Variants in ZNF562 observed in about 807,000 individuals in gnomAD.
The protein encoded by ZNF562 is zinc finger protein 562.
A neutral mutation model predicts 17.5 loss-of-function variants in ZNF562; 13 were observed. The ratio of observed to expected loss-of-function variants is 0.74; its 90% CI spans 0.48 to 1.18. The LOEUF is 1.18. Ranked by LOEUF, ZNF562 falls within the 50% of genes most tolerant of loss-of-function variation. ZNF562 has a pLI of 0.00. For synonymous variants in ZNF562, 163 were observed against 165.4 expected, an observed-to-expected ratio of 0.99 and a Z score of 0.11; for missense variants, 481 against 498.5, an observed-to-expected ratio of 0.96 and a Z score of 0.33.
chr19:9,656,871 A>AAAAAAT (rs376933513), intron 4 of ZNF562, among the ~76,000 whole-genome samples: 8 of 142,436 alleles, frequency 5.6e-5, no homozygotes, highest in African/African-American at 1.6e-4. Context: ...AAAATACAAA[A>AAAAAAT]ATATATATAT....
intron 1 of ZNF562, among the ~76,000 whole-genome samples, chr19:9,673,360 A>G (rs1027229447): frequency 2.6e-5 from 4 of 152,148 alleles, no homozygotes; most frequent in African/African-American, 9.7e-5. Context: ...TGCGTTGCTG[A>G]GAAAACTTTT....
Position 9,653,328 on chromosome 19 carries a change from G to T in ZNF562, c.902C>A (p.Ser301Ter). 1 of 1,614,056 alleles carries T rather than the reference G, an allele frequency of 6.2e-7. No homozygotes were observed. Among genetic ancestry groups the T allele is most frequent in the Non-Finnish European group, 8.5e-7 (1 of 1,179,962 alleles). The change falls in exon 6 of 6, where the codon TCA becomes TAA. Residue 301 changes from serine to a stop codon, truncating the protein, a stop_gained. Transcript: ENST00000453372. LOFTEE classifies it low-confidence loss of function (END_TRUNC). ...KECGRSFRNS[S>*]SFNVHIQIHT... ...AATTTGAATGTGAACATTAAAGGAT[G>T]AGGAATTTCTAAAGGATCTTCCACA...
At chr19:9,667,013 G>A (rs2043979795) in intron 1 of ZNF562, among the ~76,000 whole-genome samples, 1 of 150,058 alleles carries the variant, frequency 6.7e-6, no homozygotes, top group Non-Finnish European at 1.5e-5. Context: ...TCCAAACTTA[G>A]TCTACAAGGT....
Position 9,643,116 on chromosome 19 carries a change from T to TTGAATCAGGC in ZNF562, c.*9823_*9832dup, listed in dbSNP as rs2074783963. The TTGAATCAGGC allele has an allele frequency of 6.7e-6, 1 of 148,750 alleles. No individual in the cohort carries two copies. Among genetic ancestry groups the TTGAATCAGGC allele is most frequent in the Non-Finnish European group, 1.5e-5 (1 of 67,536 alleles). The allele number at this position is 148,750 out of a possible 1,614,324, so 9.2% of individuals were successfully genotyped here. ...CCTGTAATCCCAGCACTTTGGGAGG[T>TTGAATCAGGC]TGAATCAGGCTGAATCAGGGGGGTC... is the stretch of plus-strand genomic sequence containing the variant. On this transcript the variant is annotated 3_prime_UTR_variant, in exon 6 of 6. Transcript: ENST00000453372.
chr19:9,655,713 C>CTTTTTTTTTTTTT (rs2043444189), intron 5 of ZNF562, among the ~76,000 whole-genome samples: 1 of 54,552 alleles, frequency 1.8e-5, no homozygotes, highest in African/African-American at 6.8e-5. Context: ...ACTTTCTTTT[C>CTTTTTTTTTTTTT]TTTCTTTTTT....
At chr19:9,672,777 C>CTTTTTTTT (rs869261585) in intron 1 of ZNF562, among the ~76,000 whole-genome samples, 1 of 112,236 alleles carries the variant, frequency 8.9e-6, no homozygotes, top group African/African-American at 3.5e-5. Context: ...TATTGCCTTT[C>CTTTTTTTT]TTTTTTTTTT....
rs1275914870 is a variant in ZNF562, at chr19:9,645,716, T to C, written c.*7233A>G. 6.6e-6 allele frequency: 1 copy of C among 152,322 alleles called. No homozygotes were observed. Among genetic ancestry groups the C allele is most frequent in the South Asian group, 2.1e-4 (1 of 4,824 alleles). The allele number at this position is 152,322 out of a possible 1,614,324, so 9.4% of individuals were successfully genotyped here. On this transcript the variant is annotated 3_prime_UTR_variant, in exon 6 of 6. Coordinates refer to ENST00000453372, the MANE Select transcript of ZNF562 (RefSeq NM_001130031.2). ...TCTGCCACCAGATCTGTCTAATAGC[T>C]TGTGTGACAATGCACTTCCTTCTGG...
intron 5 of ZNF562, among the ~76,000 whole-genome samples, chr19:9,655,120 A>C (rs2043415152): frequency 6.6e-6 from 1 of 151,974 alleles, no homozygotes; most frequent in South Asian, 2.1e-4. Context: ...TCTCCTGAGG[A>C]GCCTGGATTA....
chr19:9,654,452 T>C (rs2043384270), intron 5 of ZNF562, among the ~76,000 whole-genome samples: 1 of 152,010 alleles, frequency 6.6e-6, no homozygotes, highest in South Asian at 2.1e-4. Flanking sequence ...CATCCAATTT[T>C]TTGATTTATT....
At chr19:9,657,357 GC>G (rs2144982472) in intron 4 of ZNF562, among the ~76,000 whole-genome samples, 1 of 148,864 alleles carries the variant, frequency 6.7e-6, no homozygotes, top group East Asian at 2.0e-4. Context: ...TCCTGCCACT[GC>G]ACCCCAGCCT....
Position 9,659,661 on chromosome 19 carries a change from C to G in ZNF562, c.26-194G>C, listed in dbSNP as rs1015454704. 1.4e-4 allele frequency among the ~76,000 whole-genome samples: 21 copies of G among 152,002 alleles called. 1 individual carries two copies. Among genetic ancestry groups the G allele is most frequent in the African/African-American group, 5.1e-4 (21 of 41,404 alleles). ...AGAAAAGCAGATATGGGCTGAGCTG[C>G]CTGTTGTGTAAAGGGTAACAGTTTC... On this transcript the variant is annotated intron_variant, in intron 2 of 5. Coordinates refer to ENST00000453372, the MANE Select transcript of ZNF562 (RefSeq NM_001130031.2).
At chr19:9,673,833 C>A (rs942478971) in intron 1 of ZNF562, among the ~76,000 whole-genome samples, 1 of 151,972 alleles carries the variant, frequency 6.6e-6, no homozygotes, top group Admixed American at 6.6e-5. Context: ...TGGTGAAACC[C>A]CATCTCTACC....
intron 1 of ZNF562, among the ~76,000 whole-genome samples, chr19:9,672,690 T>C (rs1389548180): frequency 6.6e-6 from 1 of 152,020 alleles, no homozygotes; most frequent in African/African-American, 2.4e-5. Context: ...TCTTCCTGGT[T>C]CCTGGAGGCC....
intron 3 of ZNF562, 21 bp downstream of exon 3, chr19:9,659,358 A>G (rs2043636477): frequency 1.3e-6 from 2 of 1,543,506 alleles, no homozygotes; most frequent in Non-Finnish European, 1.8e-6. Context: ...CATTTTGTAC[A>G]ACGGTACATT....
At position 9,644,092 on chromosome 19, in the gene ZNF562, GCTTA is replaced by G. The variant is rs2074791071; in HGVS notation, c.*8853_*8856del. 1 of 151,960 alleles carries G rather than the reference GCTTA, an allele frequency of 6.6e-6. No individual in the cohort carries two copies. Among genetic ancestry groups the G allele is most frequent in the Non-Finnish European group, 1.5e-5 (1 of 68,004 alleles). The allele number at this position is 151,960 out of a possible 1,614,324, so 9.4% of individuals were successfully genotyped here. On this transcript the variant is annotated 3_prime_UTR_variant, in exon 6 of 6. Transcript: ENST00000453372. ...ACAGGCATGTGAGCCACCGTACCTGGCTTACTTAGTGAATTTGTACCAATATTCA... is the reference window on the plus strand; with the variant it reads ...ACAGGCATGTGAGCCACCGTACCTGGCTTAGTGAATTTGTACCAATATTCA...
chr19:9,670,634 CAT>C (rs781080175), intron 1 of ZNF562, among the ~76,000 whole-genome samples: 1 of 152,028 alleles, frequency 6.6e-6, no homozygotes, highest in Non-Finnish European at 1.5e-5. Context: ...ATCTCATGAG[CAT>C]AGAGTACAGA....
chr19:9,658,382 T>C (rs2043602647), intron 3 of ZNF562: 2 of 982,518 alleles, frequency 2.0e-6, no homozygotes, highest in Admixed American at 6.2e-5. Flanking sequence ...AGAGTTTTGC[T>C]CTTTTTGCCC....
rs1308228483 is a variant in ZNF562, at chr19:9,652,991, G to T, written c.1239C>A (p.Ser413=). The T allele has an allele frequency of 6.6e-7, 1 of 1,518,468 alleles. No individual in the cohort carries two copies. The highest frequency in any genetic ancestry group is 2.2e-5 in the Admixed American group (1 of 45,872). 94.1% of individuals were successfully genotyped at this position (1,518,468 alleles called of 1,614,324 possible). Reference sequence around the variant, plus strand: ...GAGTTTTCAAATGTTTACTACGATGGGAAGAAGTAATGAAGGTCTTCCCAC... The same window carrying T: ...GAGTTTTCAAATGTTTACTACGATGTGAAGAAGTAATGAAGGTCTTCCCAC... ...VECGKTFITS[S]HRSKHLKTHS... is the part of the protein sequence containing the mutation. The change falls in exon 6 of 6, where the codon TCC becomes TCA. Residue 413 remains serine, a synonymous_variant. Transcript: ENST00000453372.
At position 9,653,367 on chromosome 19, in the gene ZNF562, A is replaced by G; in HGVS notation, c.863T>C (p.Phe288Ser). 2 of 1,614,104 alleles carry G rather than the reference A, an allele frequency of 1.2e-6. No homozygotes were observed. Among genetic ancestry groups the G allele is most frequent in the South Asian group, 2.2e-5 (2 of 91,054 alleles). ...GGATCTTCCACATTCTTTACATTCA[A>G]AGGACTTCTCTCCTTTATGAGTTTT... ...HAKTHKGEKS[F>S]ECKECGRSFR... Residue 288 changes from phenylalanine (F) to serine (S), a missense_variant, in exon 6 of 6, where the codon TTT becomes TCT. Phe to Ser is a radical substitution (Grantham distance 155, BLOSUM62 -2). This residue lies in a region of ZNF562 where 403 missense variants were observed against 386.4 expected (regional missense o/e 1.04). Coordinates refer to ENST00000453372, the MANE Select transcript of ZNF562 (RefSeq NM_001130031.2).
Sources: allele counts gnomAD v4.1 joint callset (sites outside exome capture counted in the v4.1 genomes callset), GRCh38; gene constraint gnomAD v4.1.1; regional missense constraint gnomAD v4.1.1; transcripts MANE v1.5; gene names NCBI Gene and HGNC (gene_info 2026-07-23, HGNC 2026-07-21).